Variants in ACOT12 observed in about 807,000 individuals in gnomAD.
ACOT12 encodes acyl-CoA thioesterase 12.
Under a neutral mutation model 67.7 loss-of-function variants are expected in ACOT12, and 51 were observed. The ratio of observed to expected loss-of-function variants is 0.75; its 90% CI spans 0.60 to 0.95. The LOEUF is 0.95. Among genes scored for constraint, ACOT12 ranks in the 40% least tolerant of loss-of-function variants. The pLI is 0.00. For synonymous variants in ACOT12, 251 were observed against 244.6 expected (o/e 1.03, Z -0.24); for missense variants, 734 against 708.1 (o/e 1.04, Z -0.41).
intron 5 of ACOT12, among the ~76,000 whole-genome samples, chr5:81,359,009 A>G (rs1759813904): frequency 1.3e-5 from 2 of 152,134 alleles, no homozygotes; most frequent in Non-Finnish European, 2.9e-5. Flanking sequence ...CACTTCTGCC[A>G]TACTGGCTGC....
chr5:81,332,439 T>A (rs1264146555), intron 13 of ACOT12, 38 bp downstream of exon 13: 3 of 1,606,716 alleles, frequency 1.9e-6, no homozygotes, highest in Non-Finnish European at 2.6e-6. Context: ...TCCTATACTA[T>A]GAAATATTAA....
intron 2 of ACOT12, among the ~76,000 whole-genome samples, chr5:81,379,879 T>C (rs1328033167): frequency 6.6e-6 from 1 of 152,142 alleles, no homozygotes; most frequent in African/African-American, 2.4e-5. Flanking sequence ...GGATACAGCA[T>C]GAGCCAGTGC....
At chr5:81,351,219 T>C (rs1759543294) in intron 5 of ACOT12, among the ~76,000 whole-genome samples, 1 of 152,228 alleles carries the variant, frequency 6.6e-6, no homozygotes, top group East Asian at 1.9e-4. Flanking sequence ...CTTTCTAAAA[T>C]TGATTTTATT....
At position 81,339,028 on chromosome 5, in the gene ACOT12, C is replaced by T. The variant is rs371901185; in HGVS notation, c.1129-3127G>A. Among the ~76,000 whole-genome samples, 66 of 152,022 alleles carry T rather than the reference C, an allele frequency of 4.3e-4. 1 individual carries two copies. The highest frequency in any genetic ancestry group is 1.4e-3 in the African/African-American group (58 of 41,436). ...CCCAGGAGGGGGAGTTGTAGTGAAC[C>T]GAGATCACACCACTGCACTCCAACC... On this transcript the variant is annotated intron_variant, in intron 11 of 14. Coordinates refer to ENST00000307624, the MANE Select transcript of ACOT12 (RefSeq NM_130767.3).
In ACOT12 at chr5:81,330,231, G is replaced by GTCAAATTAA; in HGVS notation, c.*162_*163insTTAATTTGA. The GTCAAATTAA allele has an allele frequency of 5.8e-6, 4 of 687,160 alleles. No homozygotes were observed. Among genetic ancestry groups the GTCAAATTAA allele is most frequent in the Non-Finnish European group, 9.1e-6 (4 of 437,324 alleles). 42.6% of individuals were successfully genotyped at this position (687,160 alleles called of 1,614,324 possible). The stretch of plus-strand genomic sequence containing the variant: ...TCTTTTAATGCTAATCCAAATCACT[G>GTCAAATTAA]GTATTTGACTTAAGATGCATTTTGT... On this transcript the variant is annotated 3_prime_UTR_variant, in exon 15 of 15. Coordinates refer to ENST00000307624, the MANE Select transcript of ACOT12 (RefSeq NM_130767.3).
chr5:81,342,687 G>A lies in ACOT12; in HGVS notation c.1113C>T (p.Thr371=). The A allele has an allele frequency of 1.2e-6, 2 of 1,614,114 alleles. No individual in the cohort carries two copies. Among genetic ancestry groups the A allele is most frequent in the African/African-American group, 1.3e-5 (1 of 75,030 alleles). ...AGTGTCCTACCTTTTCCACAGTGCTGGTAACCTCCCAACCCCTTTTGGCTG... is the reference window on the plus strand; with the variant it reads ...AGTGTCCTACCTTTTCCACAGTGCTAGTAACCTCCCAACCCCTTTTGGCTG... ...KLAAKRGWEV[T]STVEKIKIYT... The change falls in exon 11 of 15, where the codon ACC becomes ACT. Residue 371 remains threonine, a synonymous_variant. Transcript: ENST00000307624.
At chr5:81,328,844 A>G (rs144483197), downstream of ACOT12, among the ~76,000 whole-genome samples, 1 of 152,356 alleles carries the variant, frequency 6.6e-6, no homozygotes, top group East Asian at 1.9e-4. Flanking sequence ...AGCACTATCT[A>G]AAGAATCTTC....
At chr5:81,347,363 G>A (rs1036697917) in intron 6 of ACOT12, among the ~76,000 whole-genome samples, 191 of 152,178 alleles carry the variant, frequency 1.3e-3, no homozygotes, top group African/African-American at 3.7e-3. Flanking sequence ...TTCCTGTCTC[G>A]GCCTCCCAGA....
At chr5:81,358,709 C>T (rs150354489) in intron 5 of ACOT12, among the ~76,000 whole-genome samples, 2,910 of 152,144 alleles carry the variant, frequency 0.019, 84 homozygotes, top group African/African-American at 0.064. Flanking sequence ...ATTAGCTGGG[C>T]GTGGTGGCAC....
chr5:81,351,720 C>A (rs1759557773), intron 5 of ACOT12, among the ~76,000 whole-genome samples: 1 of 152,146 alleles, frequency 6.6e-6, no homozygotes, highest in African/African-American at 2.4e-5. Flanking sequence ...CAGTACCCCA[C>A]AAGCACAGGT....
chr5:81,364,870 C>T (rs11742598), intron 3 of ACOT12, among the ~76,000 whole-genome samples: 3 of 152,032 alleles, frequency 2.0e-5, no homozygotes, highest in Non-Finnish European at 4.4e-5. Context: ...AGCCTTTACT[C>T]TCAGAGTTTT....
At chr5:81,317,101 G>A in the ACOT12 span, among the ~76,000 whole-genome samples, 1 of 151,776 alleles carries the variant, frequency 6.6e-6, no homozygotes, top group Non-Finnish European at 1.5e-5. Context: ...TTGTGTTTTT[G>A]GTGTTATCTT....
rs193302610 is a variant in ACOT12, at chr5:81,391,588, G to A, written c.127+2400C>T. On this transcript the variant is annotated intron_variant, in intron 1 of 14. Transcript: ENST00000307624. ...AAAAATCCTTAAAGCCCTTGGTGAA[G>A]AAAAGAAAGGGAAAAATGAACAAAA... is the stretch of plus-strand genomic sequence containing the variant. Among the ~76,000 whole-genome samples the A allele has an allele frequency of 3.1e-3, 468 of 152,240 alleles. 4 individuals are homozygous for A. The highest frequency in any genetic ancestry group is 8.9e-3 in the African/African-American group (368 of 41,524).
At chr5:81,332,981 A>G (rs964418765) in intron 12 of ACOT12, among the ~76,000 whole-genome samples, 1 of 151,762 alleles carries the variant, frequency 6.6e-6, no homozygotes, top group African/African-American at 2.4e-5. Context: ...AGGTGGGAAT[A>G]TCACTTGAGC....
At chr5:81,345,108 G>A (rs967122560) in intron 7 of ACOT12, 67 bp from the exon 8 acceptor site, 4 of 646,912 alleles carry the variant, frequency 6.2e-6, no homozygotes, top group African/African-American at 6.8e-5. Context: ...CTTGCACACC[G>A]CTGCCACCTC....
downstream of ACOT12, among the ~76,000 whole-genome samples, chr5:81,328,442 C>G (rs1758727430): frequency 6.6e-6 from 1 of 152,032 alleles, no homozygotes; most frequent in Non-Finnish European, 1.5e-5. Flanking sequence ...TGAGTATATT[C>G]CTAAGAAAAA....
rs774015295 is a variant in ACOT12, at chr5:81,371,757, C to A, written c.251G>T (p.Ser84Ile). 5.0e-6 allele frequency: 8 copies of A among 1,613,982 alleles called. No homozygotes were observed. The Admixed American group carries it at 1.3e-4, about 27-fold the overall frequency. Residue 84 changes from serine to isoleucine, a missense_variant, in exon 3 of 15, where the codon AGC becomes ATC. Physicochemically the swap from Ser to Ile is moderately radical, Grantham distance 142. Coordinates refer to ENST00000307624, the MANE Select transcript of ACOT12 (RefSeq NM_130767.3). ...TGAAAAGGTGCCTCTTACCTCCATGCTTGTGCTGAATGCTCTAGTAACTTT... is the reference window on the plus strand; with the variant it reads ...TGAAAAGGTGCCTCTTACCTCCATGATTGTGCTGAATGCTCTAGTAACTTT... ...KAKVTRAFST[S>I]MEISIKVMVQ... is the part of the protein sequence containing the mutation.
At chr5:81,373,630 C>T (rs1038886582) in intron 2 of ACOT12, among the ~76,000 whole-genome samples, 6 of 152,198 alleles carry the variant, frequency 3.9e-5, no homozygotes, top group African/African-American at 4.8e-5. Flanking sequence ...TTGAAATTCT[C>T]GCTGCCAGCA....
chr5:81,353,055 G>A (rs939576439), intron 5 of ACOT12, among the ~76,000 whole-genome samples: 1 of 152,166 alleles, frequency 6.6e-6, no homozygotes, highest in Non-Finnish European at 1.5e-5. Context: ...AAGGCCTTAT[G>A]AGAGACATTG....
Sources: allele counts gnomAD v4.1 joint callset (sites outside exome capture counted in the v4.1 genomes callset), GRCh38; gene constraint gnomAD v4.1.1; transcripts MANE v1.5; gene names NCBI Gene and HGNC (gene_info 2026-07-23, HGNC 2026-07-21).